ANO6: variants seen among roughly 807,000 people sequenced by gnomAD.
The protein encoded by ANO6 is anoctamin 6.
In ANO6, 106 loss-of-function variants were observed where a neutral mutation model predicts 117.5. The observed-to-expected ratio is 0.90, with a 90% confidence interval of 0.77 to 1.06. ANO6 has a LOEUF of 1.06. Ranked by LOEUF, ANO6 falls within the 50% of genes least tolerant of loss-of-function variation. The pLI, the probability that ANO6 is intolerant of heterozygous loss-of-function variation, is 0.00. For synonymous variants in ANO6, 367 were observed against 385.1 expected, an observed-to-expected ratio of 0.95 and a Z score of 0.55; for missense variants, 955 against 1,121.1, an observed-to-expected ratio of 0.85 and a Z score of 2.12.
intron 2 of ANO6, among the ~76,000 whole-genome samples, chr12:45,315,677 G>A (rs1940001370): frequency 6.6e-6 from 1 of 151,890 alleles, no homozygotes; most frequent in Admixed American, 6.6e-5. Context: ...TTTTCTCTCA[G>A]CCCTGCATGC....
chr12:45,247,902 C>G (rs191166688), intron 1 of ANO6, among the ~76,000 whole-genome samples: 1 of 152,292 alleles, frequency 6.6e-6, no homozygotes, highest in East Asian at 1.9e-4. Context: ...GGACACAGTT[C>G]AGTTCATAGC....
intron 1 of ANO6, among the ~76,000 whole-genome samples, chr12:45,287,919 A>G (rs1565666107): frequency 6.6e-6 from 1 of 152,216 alleles, no homozygotes; most frequent in Non-Finnish European, 1.5e-5. Flanking sequence ...CTTAGATCAT[A>G]TAAAACATAA....
chr12:45,387,067 G>GT (rs1404155427), intron 10 of ANO6, among the ~76,000 whole-genome samples: 2 of 152,212 alleles, frequency 1.3e-5, no homozygotes, highest in Non-Finnish European at 2.9e-5. Context: ...AGCAGGGACT[G>GT]TGTCTTGTTT....
chr12:45,416,653 C>T (rs745645657), intron 16 of ANO6, 46 bp from the exon 17 acceptor site: 1 of 1,588,628 alleles, frequency 6.3e-7, no homozygotes, highest in South Asian at 1.1e-5. Context: ...ATATGTTGTC[C>T]TTCCATCCAC....
At chr12:45,319,376 T>G (rs1310893457) in intron 2 of ANO6, among the ~76,000 whole-genome samples, 1 of 152,212 alleles carries the variant, frequency 6.6e-6, no homozygotes, top group Non-Finnish European at 1.5e-5. Flanking sequence ...GAGATAATCA[T>G]GTGGTTTTTG....
chr12:45,272,724 A>G (rs1220593999), intron 1 of ANO6, among the ~76,000 whole-genome samples: 1 of 152,234 alleles, frequency 6.6e-6, no homozygotes, highest in Non-Finnish European at 1.5e-5. Flanking sequence ...TTGCATAACC[A>G]TTATGGAAAA....
At chr12:45,275,676 G>A (rs1938532965) in intron 1 of ANO6, among the ~76,000 whole-genome samples, 1 of 152,122 alleles carries the variant, frequency 6.6e-6, no homozygotes, top group African/African-American at 2.4e-5. Context: ...TGCTTCCAAT[G>A]GATACGTTTC....
intron 2 of ANO6, among the ~76,000 whole-genome samples, chr12:45,324,908 C>T (rs1455327985): frequency 1.3e-5 from 2 of 152,192 alleles, no homozygotes; most frequent in African/African-American, 4.8e-5. Flanking sequence ...GACACAGTCA[C>T]ATGTGACACA....
At chr12:45,419,122 CATT>C (rs1292526192) in intron 17 of ANO6, among the ~76,000 whole-genome samples, 2 of 152,172 alleles carry the variant, frequency 1.3e-5, no homozygotes, top group African/African-American at 4.8e-5. Flanking sequence ...GCTGAATTGA[CATT>C]GTTGTATCAT....
chr12:45,311,991 A>G (rs1429781925), intron 2 of ANO6, among the ~76,000 whole-genome samples: 5 of 152,146 alleles, frequency 3.3e-5, no homozygotes, highest in African/African-American at 9.6e-5. Flanking sequence ...CCCTTTCTCC[A>G]TATAACAGTG....
At chr12:45,377,699 C>T (rs1240063491) in intron 9 of ANO6, among the ~76,000 whole-genome samples, 1 of 152,222 alleles carries the variant, frequency 6.6e-6, no homozygotes, top group Non-Finnish European at 1.5e-5. Flanking sequence ...TAGATCCATA[C>T]TGCTTCCTCA....
At chr12:45,387,779 G>A (rs1942337561) in intron 10 of ANO6, among the ~76,000 whole-genome samples, 1 of 152,170 alleles carries the variant, frequency 6.6e-6, no homozygotes, top group Admixed American at 6.5e-5. Flanking sequence ...TGTCAGGGGA[G>A]GGGCCTGGTG....
chr12:45,419,093 C>A (rs535796596), intron 17 of ANO6, among the ~76,000 whole-genome samples: 1 of 152,320 alleles, frequency 6.6e-6, no homozygotes, highest in South Asian at 2.1e-4. Flanking sequence ...CATTTTAAAG[C>A]TGCTGGTTCA....
At chr12:45,293,047 T>C in intron 1 of ANO6, 1 of 1,435,228 alleles carries the variant, frequency 7.0e-7, no homozygotes, top group Non-Finnish European at 9.4e-7. Context: ...TATTTGGTCT[T>C]GAAGGGACAC....
chr12:45,314,781 G>A (rs1939966988), intron 2 of ANO6, among the ~76,000 whole-genome samples: 1 of 151,968 alleles, frequency 6.6e-6, no homozygotes, highest in Non-Finnish European at 1.5e-5. Context: ...CCTGATTGTG[G>A]ATGTTAACCA....
intron 1 of ANO6, among the ~76,000 whole-genome samples, chr12:45,289,170 CT>C (rs11410863): frequency 0.029 from 3,916 of 135,644 alleles, 80 homozygotes; most frequent in East Asian, 0.085. Flanking sequence ...ATTATTATTA[CT>C]TTTTTTTTTT....
chr12:45,426,789 A>G lies in ANO6; in HGVS notation c.2527-2316A>G, dbSNP rs1943514853. ...TCCTGGGACTCATCCCTTGGTTGTC[A>G]TCTTTTCTCTCTCCTTGGTCTGTTG... On this transcript the variant is annotated intron_variant, in intron 19 of 19. Coordinates refer to ENST00000320560, the MANE Select transcript of ANO6 (RefSeq NM_001025356.3). 2.0e-5 allele frequency among the ~76,000 whole-genome samples: 3 copies of G among 151,870 alleles called. No individual in the cohort carries two copies. In the South Asian group the frequency reaches 6.3e-4, roughly 32 times the overall value.
At chr12:45,390,647 T>A in intron 12 of ANO6, 149 bp downstream of exon 12, 1 of 756,338 alleles carries the variant, frequency 1.3e-6, no homozygotes, top group Non-Finnish European at 2.2e-6. Flanking sequence ...TATTTCCAGA[T>A]AACTATTTTA....
chr12:45,397,128 G>A (rs1405916294), intron 12 of ANO6, among the ~76,000 whole-genome samples: 18 of 152,148 alleles, frequency 1.2e-4, no homozygotes, highest in African/African-American at 4.3e-4. Context: ...AATCTACAAG[G>A]GACTCAAACA....
Sources: allele counts gnomAD v4.1 joint callset (sites outside exome capture counted in the v4.1 genomes callset), GRCh38; gene constraint gnomAD v4.1.1; transcripts MANE v1.5; gene names NCBI Gene and HGNC (gene_info 2026-07-23, HGNC 2026-07-21).